Variants in UMODL1 observed in about 807,000 individuals in gnomAD.
UMODL1 encodes uromodulin-like 1.
UMODL1 carries 128 observed loss-of-function variants against 136.3 expected under a neutral mutation model. The ratio of observed to expected loss-of-function variants is 0.94; its 90% CI spans 0.81 to 1.09. The LOEUF (loss-of-function observed/expected upper bound fraction) is 1.09, where lower values mean the gene tolerates loss of function less well. Among genes scored for constraint, UMODL1 ranks in the 50% least tolerant of loss-of-function variants. The pLI, the probability that UMODL1 is intolerant of heterozygous loss-of-function variation, is 0.00. For missense variants in UMODL1, 1,766 were observed against 1,725.6 expected (o/e 1.02, Z -0.41); for synonymous variants, 721 against 720.0 (o/e 1.00, Z -0.02).
At chr21:42,088,869 T>G (rs1212541434) in intron 5 of UMODL1, among the ~76,000 whole-genome samples, 2 of 152,176 alleles carry the variant, frequency 1.3e-5, no homozygotes, top group African/African-American at 2.4e-5. Flanking sequence ...TTCTTTGGTT[T>G]CCTAAATTTC....
At chr21:42,113,474 TC>T in intron 12 of UMODL1, 98 bp from the exon 13 acceptor site, 1 of 1,453,914 alleles carries the variant, frequency 6.9e-7, no homozygotes, top group Non-Finnish European at 9.3e-7. Context: ...ATCGCTCATG[TC>T]CCCATGGTGA....
Position 42,123,243 on chromosome 21 carries a change from C to G in UMODL1, c.3147+93C>G. 1 of 1,417,752 alleles carries G rather than the reference C, an allele frequency of 7.1e-7. No individual in the cohort carries two copies. The highest frequency in any genetic ancestry group is 9.5e-7 in the Non-Finnish European group (1 of 1,055,626). 87.8% of individuals were successfully genotyped at this position (1,417,752 alleles called of 1,614,324 possible). ...CGATGTGGGAGGGCCAGGCAAGACT[C>G]TGCACCCCGAGGGGAACCCAGCAAG... On this transcript the variant is annotated intron_variant, in intron 17 of 22. Coordinates refer to ENST00000408910, the MANE Select transcript of UMODL1 (RefSeq NM_001004416.3). This position sits in a 1 kb window ranked among gnomAD's most constrained non-coding sequence, Gnocchi z 4.4.
intron 8 of UMODL1, 134 bp downstream of exon 8, chr21:42,102,412 G>C: frequency 1.6e-6 from 1 of 635,382 alleles, no homozygotes; most frequent in Non-Finnish European, 2.7e-6. Context: ...CTTCAGGGGA[G>C]GCCAAACCCA....
intron 3 of UMODL1, among the ~76,000 whole-genome samples, chr21:42,084,822 T>G (rs2066406612): frequency 5.3e-4 from 1 of 1,890 alleles, no homozygotes. Context: ...ATACATAATA[T>G]CAGATATTAT....
intron 20 of UMODL1, 192 bp downstream of exon 20, chr21:42,128,023 C>T (rs977776308): frequency 1.4e-6 from 1 of 728,172 alleles, no homozygotes; most frequent in Admixed American, 2.0e-5. Context: ...GGACGGAGGA[C>T]TCATGTGGAC....
At chr21:42,086,489 C>T (rs981583901) in intron 4 of UMODL1, 6 of 455,104 alleles carry the variant, frequency 1.3e-5, no homozygotes, top group Non-Finnish European at 2.6e-5. Context: ...CAGCCTCGGC[C>T]TTAACAGCCC....
chr21:42,111,318 G>C (rs1318968121), intron 11 of UMODL1, 188 bp from the exon 12 acceptor site: 1 of 1,463,484 alleles, frequency 6.8e-7, no homozygotes, highest in Non-Finnish European at 9.2e-7. Flanking sequence ...GCGAACTCCA[G>C]CCAGGGGAGC....
chr21:42,140,449 A>G (rs220180), intron 22 of UMODL1, among the ~76,000 whole-genome samples: 79,841 of 151,256 alleles, frequency 0.53, 21,628 homozygotes, highest in East Asian at 0.74. Flanking sequence ...CCCAGGTCAC[A>G]TGGCTGGGAG....
intron 9 of UMODL1, among the ~76,000 whole-genome samples, chr21:42,105,069 C>G (rs1189899104): frequency 6.6e-6 from 1 of 152,206 alleles, no homozygotes; most frequent in Non-Finnish European, 1.5e-5. Flanking sequence ...CTTCCCCCAC[C>G]AGGAGGTGCC....
chr21:42,109,726 T>C lies in UMODL1; in HGVS notation c.1657+27T>C, dbSNP rs767760028. ...TACGTGTCGACCCCCCTGCCGACTC[T>C]GGGAAGACCCCCTGCCCGAGAATCT... On this transcript the variant is annotated intron_variant, in intron 10 of 22. Coordinates refer to ENST00000408910, the MANE Select transcript of UMODL1 (RefSeq NM_001004416.3). 3 of 1,596,134 alleles carry C rather than the reference T, an allele frequency of 1.9e-6. No homozygotes were observed. The Admixed American group carries it at 5.0e-5, about 27-fold the overall frequency.
chr21:42,136,478 C>G (rs913564627), intron 21 of UMODL1, among the ~76,000 whole-genome samples: 1 of 152,208 alleles, frequency 6.6e-6, no homozygotes, highest in Non-Finnish European at 1.5e-5. Context: ...GCTTCCTTCA[C>G]TCAGTGCTTT....
chr21:42,111,683 C>G lies in UMODL1; in HGVS notation c.2077C>G (p.Leu693Val). ...TGTAGACCTGCCATTGACCTCCACC[C>G]TCACAGCTCTGAAGACCCCCGCCTG... ...GSVDLPLTST[L>V]TALKTPACVP... The change falls in exon 12 of 23, where the codon CTC becomes GTC. Residue 693 changes from leucine to valine, a missense_variant. Coordinates refer to ENST00000408910, the MANE Select transcript of UMODL1 (RefSeq NM_001004416.3). 1.2e-6 allele frequency: 2 copies of G among 1,613,366 alleles called. No individual in the cohort carries two copies. Among genetic ancestry groups the G allele is most frequent in the Non-Finnish European group, 1.7e-6 (2 of 1,179,564 alleles).
intron 13 of UMODL1, among the ~76,000 whole-genome samples, chr21:42,115,378 G>A (rs1481127579): frequency 6.6e-6 from 1 of 152,240 alleles, no homozygotes; most frequent in Non-Finnish European, 1.5e-5. Context: ...GCTGGGGGAG[G>A]AAGAAGGACT....
intron 22 of UMODL1, among the ~76,000 whole-genome samples, chr21:42,138,932 C>A (rs889184309): frequency 4.6e-5 from 7 of 152,106 alleles, no homozygotes; most frequent in Non-Finnish European, 1.0e-4. Context: ...CTTTTGGAGG[C>A]CAAGGCAGGA....
At chr21:42,117,525 C>T (rs2066915880) in intron 14 of UMODL1, among the ~76,000 whole-genome samples, 1 of 152,180 alleles carries the variant, frequency 6.6e-6, no homozygotes, top group Non-Finnish European at 1.5e-5. Context: ...AGGGAGTGCC[C>T]TTGTCATAAT....
At chr21:42,082,645 C>T (rs1167548042) in intron 2 of UMODL1, among the ~76,000 whole-genome samples, 1 of 152,174 alleles carries the variant, frequency 6.6e-6, no homozygotes, top group African/African-American at 2.4e-5. Context: ...TGCCCTCAGC[C>T]TCGTCCCGGA....
In UMODL1 at chr21:42,122,691, A is replaced by T; in HGVS notation, c.2828-140A>T. 1.4e-6 allele frequency: 1 copy of T among 721,250 alleles called. No individual in the cohort carries two copies. Among genetic ancestry groups the T allele is most frequent in the Non-Finnish European group, 2.2e-6 (1 of 447,168 alleles). 44.7% of individuals were successfully genotyped at this position (721,250 alleles called of 1,614,324 possible). A position where few individuals can be genotyped will look rare whatever the true frequency, so the allele number is the denominator to read the frequency against. On this transcript the variant is annotated intron_variant, in intron 16 of 22. Transcript: ENST00000408910. This position sits in a 1 kb window ranked among gnomAD's most constrained non-coding sequence, Gnocchi z 4.3. ...TGTGTGTGTGTGTGTGCACGTGTGTAGTTGTGGCTGGAACATGCGGTTCCC... is the reference window on the plus strand; with the variant it reads ...TGTGTGTGTGTGTGTGCACGTGTGTTGTTGTGGCTGGAACATGCGGTTCCC...
At chr21:42,093,463 T>C (rs1189863656) in intron 6 of UMODL1, 1 of 159,728 alleles carries the variant, frequency 6.3e-6, no homozygotes, top group Non-Finnish European at 1.4e-5. Flanking sequence ...AAGAGATCCT[T>C]CCTCCTTGGC....
intron 19 of UMODL1, 30 bp downstream of exon 19, chr21:42,127,272 C>A (rs778897444): frequency 1.9e-6 from 3 of 1,576,754 alleles, no homozygotes; most frequent in South Asian, 1.1e-5. Flanking sequence ...GCACCCCCAT[C>A]CAGCAATGCC....
Sources: allele counts gnomAD v4.1 joint callset (sites outside exome capture counted in the v4.1 genomes callset), GRCh38; gene constraint gnomAD v4.1.1; non-coding constraint Gnocchi (gnomAD v3.1); transcripts MANE v1.5; gene names NCBI Gene and HGNC (gene_info 2026-07-23, HGNC 2026-07-21).